The following CNTNAP2 variants were observed in gnomAD, a reference collection of about 807,000 sequenced individuals.
The protein encoded by CNTNAP2 is contactin-associated protein-like 2.
In CNTNAP2, 98 loss-of-function variants were observed where a neutral mutation model predicts 155.2. That is an observed-to-expected ratio of 0.63 (90% CI 0.54 to 0.75). CNTNAP2 has a LOEUF of 0.75. Ranked by LOEUF, CNTNAP2 falls within the 30% of genes least tolerant of loss-of-function variation. CNTNAP2 has a pLI of 0.00. For missense variants in CNTNAP2, 1,727 were observed against 1,688.1 expected (o/e 1.02, Z -0.40); for synonymous variants, 651 against 631.2 (o/e 1.03, Z -0.47).
intron 13 of CNTNAP2, among the ~76,000 whole-genome samples, chr7:147,756,074 A>G (rs1049734856): frequency 3.9e-5 from 6 of 152,208 alleles, no homozygotes; most frequent in South Asian, 4.1e-4. Context: ...ATTACTTGGG[A>G]CAATATTAGC....
Position 146,778,866 on chromosome 7 carries a change from C to T in CNTNAP2, c.208+4485C>T, listed in dbSNP as rs74463935. Among the ~76,000 whole-genome samples, 1,194 of 152,312 alleles carry T rather than the reference C, an allele frequency of 7.8e-3. 19 individuals are homozygous for T. The highest frequency in any genetic ancestry group is 0.027 in the African/African-American group (1,104 of 41,544). On this transcript the variant is annotated intron_variant, in intron 2 of 23. Coordinates refer to ENST00000361727, the MANE Select transcript of CNTNAP2 (RefSeq NM_014141.6). ...CTGCCAGAGAGACAGCCATCCACCA[C>T]GTGGTCCAGGTCTCTCTCCACTACC...
At chr7:147,350,947 A>G (rs1243079994) in intron 9 of CNTNAP2, among the ~76,000 whole-genome samples, 1 of 151,766 alleles carries the variant, frequency 6.6e-6, no homozygotes, top group African/African-American at 2.4e-5. Context: ...AATAACAAAT[A>G]TGATCATTTT....
At chr7:148,267,611 T>C (rs1292127391) in intron 21 of CNTNAP2, among the ~76,000 whole-genome samples, 1 of 142,134 alleles carries the variant, frequency 7.0e-6, no homozygotes, top group African/African-American at 2.7e-5. Context: ...GCCAAGATCG[T>C]GCCACCACAC....
chr7:148,232,253 A>T (rs1036435298), intron 20 of CNTNAP2, among the ~76,000 whole-genome samples: 1 of 152,078 alleles, frequency 6.6e-6, no homozygotes, highest in African/African-American at 2.4e-5. Context: ...AGGGCTTCTC[A>T]CTCCCATGCC....
At chr7:147,685,427 T>C (rs1426334628) in intron 13 of CNTNAP2, among the ~76,000 whole-genome samples, 1 of 151,970 alleles carries the variant, frequency 6.6e-6, no homozygotes, top group African/African-American at 2.4e-5. Flanking sequence ...GTTTGAGAGA[T>C]TTAGAAGTTA....
At chr7:146,818,597 A>G (rs575441235) in intron 2 of CNTNAP2, among the ~76,000 whole-genome samples, 1 of 152,260 alleles carries the variant, frequency 6.6e-6, no homozygotes, top group East Asian at 1.9e-4. Context: ...GATTTCTGTT[A>G]CTAGCTCTCT....
At chr7:146,340,180 A>G (rs1801355148) in intron 1 of CNTNAP2, among the ~76,000 whole-genome samples, 1 of 149,678 alleles carries the variant, frequency 6.7e-6, no homozygotes, top group Non-Finnish European at 1.5e-5. Flanking sequence ...AAAAAAAAAA[A>G]AAAAAAAAAA....
At chr7:147,680,794 T>C (rs1264740267) in intron 13 of CNTNAP2, among the ~76,000 whole-genome samples, 1 of 151,576 alleles carries the variant, frequency 6.6e-6, no homozygotes, top group Non-Finnish European at 1.5e-5. Flanking sequence ...TATTATACAA[T>C]ACATTATAAT....
At chr7:147,783,445 A>G (rs851679) in intron 13 of CNTNAP2, among the ~76,000 whole-genome samples, 63,846 of 152,018 alleles carry the variant, frequency 0.42, 15,180 homozygotes, top group African/African-American at 0.66. Context: ...CTCTCCAAAT[A>G]GAATGTTGAG....
intron 1 of CNTNAP2, among the ~76,000 whole-genome samples, chr7:146,336,220 A>G (rs1801272377): frequency 6.6e-6 from 1 of 151,968 alleles, no homozygotes; most frequent in Non-Finnish European, 1.5e-5. Context: ...AAAAAGTAAA[A>G]ACAATGTAAA....
chr7:147,878,877 C>T (rs1799471101), intron 13 of CNTNAP2, among the ~76,000 whole-genome samples: 1 of 152,124 alleles, frequency 6.6e-6, no homozygotes. Flanking sequence ...TTGTTCTCAC[C>T]AGCTTTCTTC....
rs552318083 is a variant in CNTNAP2, at chr7:147,126,796, A to G, written c.940-1897A>G. ...CCCACCAATGAGAATTTATAACTAGAAAGAATAAATGACAACCTAATATCC... is the reference window on the plus strand; with the variant it reads ...CCCACCAATGAGAATTTATAACTAGGAAGAATAAATGACAACCTAATATCC... On this transcript the variant is annotated intron_variant, in intron 6 of 23. Coordinates refer to ENST00000361727, the MANE Select transcript of CNTNAP2 (RefSeq NM_014141.6). Among the ~76,000 whole-genome samples the G allele has an allele frequency of 7.6e-4, 115 of 152,308 alleles. 2 individuals carry two copies. Among genetic ancestry groups the G allele is most frequent in the African/African-American group, 2.6e-3 (107 of 41,570 alleles).
At chr7:147,312,958 C>T (rs1584865183) in intron 9 of CNTNAP2, among the ~76,000 whole-genome samples, 1 of 138,336 alleles carries the variant, frequency 7.2e-6, no homozygotes, top group African/African-American at 2.9e-5. Flanking sequence ...GCCATTCTAA[C>T]TGGTGTGAGA....
intron 10 of CNTNAP2, among the ~76,000 whole-genome samples, chr7:147,421,585 CTGTGTGTG>C (rs55983110): frequency 1.4e-5 from 2 of 143,602 alleles, no homozygotes; most frequent in African/African-American, 2.6e-5. Context: ...TCTATCTAAT[CTGTGTGTG>C]TGTGTGTGTG....
chr7:147,063,880 C>T (rs955956320), intron 4 of CNTNAP2, among the ~76,000 whole-genome samples: 11 of 152,110 alleles, frequency 7.2e-5, no homozygotes, highest in Admixed American at 5.9e-4. Context: ...CTTATCTAGT[C>T]ACAGTTTCAA....
intron 1 of CNTNAP2, among the ~76,000 whole-genome samples, chr7:146,563,518 A>T (rs1798312695): frequency 1.3e-5 from 2 of 152,098 alleles, no homozygotes; most frequent in African/African-American, 4.8e-5. Context: ...GACACATAGA[A>T]ATGATCTAGT....
intron 14 of CNTNAP2, among the ~76,000 whole-genome samples, chr7:147,918,255 A>C (rs934391294): frequency 6.6e-6 from 1 of 152,226 alleles, no homozygotes; most frequent in Non-Finnish European, 1.5e-5. Context: ...CAGCTAGTCA[A>C]CATCTATTTG....
intron 1 of CNTNAP2, among the ~76,000 whole-genome samples, chr7:146,140,018 C>G (rs1018968027): frequency 3.3e-5 from 5 of 152,124 alleles, no homozygotes; most frequent in Non-Finnish European, 7.3e-5. Context: ...GTTGGAATAT[C>G]TTTGCAGCTA....
intron 4 of CNTNAP2, among the ~76,000 whole-genome samples, chr7:147,089,154 A>G (rs560674884): frequency 5.3e-5 from 8 of 152,280 alleles, no homozygotes; most frequent in South Asian, 4.1e-4. Context: ...TGGGAGCTAC[A>G]TTACCCCAGC....
Sources: gnomAD v4.1 joint callset for allele counts (sites outside exome capture counted in the v4.1 genomes callset) on GRCh38, gnomAD v4.1.1 for gene constraint, MANE v1.5 for transcripts, NCBI Gene and HGNC (gene_info 2026-07-23, HGNC 2026-07-21) for gene names.